Variants in ZNF18 observed in about 807,000 individuals in gnomAD.
The protein encoded by ZNF18 is zinc finger protein 18, also known as heart development-specific gene 1 protein.
ZNF18 carries 42 observed loss-of-function variants against 58.1 expected under a neutral mutation model. That is an observed-to-expected ratio of 0.72 (90% CI 0.56 to 0.93). The LOEUF (loss-of-function observed/expected upper bound fraction) is 0.93. ZNF18 is among the 40% of genes least tolerant of loss of function. The probability of loss-of-function intolerance (pLI) is 0.00; values close to 1 mark genes in which losing one functional copy is unlikely to be tolerated. For synonymous variants in ZNF18, 231 were observed against 239.8 expected, an observed-to-expected ratio of 0.96 and a Z score of 0.34; for missense variants, 540 against 644.2, an observed-to-expected ratio of 0.84 and a Z score of 1.75.
At chr17:11,995,447 C>T (rs1266035899) in intron 1 of ZNF18, 1 of 151,934 alleles carries the variant, frequency 6.6e-6, no homozygotes, top group African/African-American at 2.4e-5. Context: ...CTTTGGAAGC[C>T]CTAGGCGGGA....
upstream of ZNF18, chr17:12,002,241 AAC>A (rs1327294414): frequency 1.3e-5 from 2 of 152,258 alleles, no homozygotes; most frequent in African/African-American, 4.8e-5. Context: ...CTCTACCGAA[AAC>A]ACAAAAATTA....
chr17:11,984,296 G>A (rs771735831), intron 4 of ZNF18, 99 bp from the exon 5 acceptor site: 15 of 1,199,336 alleles, frequency 1.3e-5, no homozygotes, highest in Admixed American at 7.7e-5. Context: ...AGACAGAAAC[G>A]TGCCATAGGA....
rs532813950 is a variant in ZNF18 at position 11,982,946 on chromosome 17, T to C, written c.862+351A>G. Among the ~76,000 whole-genome samples, 7 of 152,312 alleles carry C rather than the reference T, an allele frequency of 4.6e-5. No homozygotes were observed. The South Asian group carries it at 1.0e-3, about 23-fold the overall frequency. On this transcript the variant is annotated intron_variant, in intron 6 of 6. Transcript: ENST00000580306. ...AACTTCTTGCTAGGAAGGGTAATAA[T>C]GGCTGCTACATAATCCTTTGCAATG...
chr17:11,977,874 A>T lies in ZNF18; in HGVS notation c.*83T>A, dbSNP rs1220939360. 1 of 1,467,004 alleles carries T rather than the reference A, an allele frequency of 6.8e-7. No homozygotes were observed. Among genetic ancestry groups the T allele is most frequent in the Non-Finnish European group, 9.2e-7 (1 of 1,090,106 alleles). 90.9% of individuals were successfully genotyped at this position (1,467,004 alleles called of 1,614,324 possible). Reference sequence around the variant, plus strand: ...AGGAGATTAACAGGGGTATCCTCTTAGACACAATTCCTCTTGATGGAGCTG... The same window carrying T: ...AGGAGATTAACAGGGGTATCCTCTTTGACACAATTCCTCTTGATGGAGCTG... On this transcript the variant is annotated 3_prime_UTR_variant, in exon 7 of 7. Coordinates refer to ENST00000580306, the MANE Select transcript of ZNF18 (RefSeq NM_001303281.2).
chr17:11,993,414 G>C (rs1056480616), intron 1 of ZNF18: 8 of 152,478 alleles, frequency 5.2e-5, no homozygotes, highest in African/African-American at 1.9e-4. Context: ...ATACCAAAAA[G>C]GTGTAATGAA....
chr17:11,991,142 G>C lies in ZNF18; in HGVS notation c.409C>G (p.Gln137Glu). The change falls in exon 3 of 7, where the codon CAG becomes GAG. Residue 137 changes from glutamine (Q) to glutamate (E), a missense_variant. Physicochemically the swap from Gln to Glu is conservative, Grantham distance 29 (BLOSUM62 2). Coordinates refer to ENST00000580306, the MANE Select transcript of ZNF18 (RefSeq NM_001303281.2). ...TCCATCTTCTCTGATAAGATGTCCT[G>C]TCCTAGAACCTGGATACTGATCTAG... ...WQWISIQVLG[Q>E]DILSEKMESP... The C allele has an allele frequency of 6.2e-7, 1 of 1,614,120 alleles. No individual in the cohort carries two copies. Among genetic ancestry groups the C allele is most frequent in the Non-Finnish European group, 8.5e-7 (1 of 1,179,998 alleles).
In ZNF18 at chr17:11,992,574, A is replaced by T; in HGVS notation, c.256T>A (p.Leu86Met). 1 of 1,614,242 alleles carries T rather than the reference A, an allele frequency of 6.2e-7. No individual in the cohort carries two copies. Among genetic ancestry groups the T allele is most frequent in the Non-Finnish European group, 8.5e-7 (1 of 1,180,032 alleles). ...TKEQILEILMLEQFLTILPGE... is the reference protein window; with the variant it reads ...TKEQILEILMMEQFLTILPGE... ...GGCAGGATGGTCAGAAACTGCTCCA[A>T]CATGAGGATCTCTAGGATCTGCTCT... Residue 86 changes from leucine to methionine, a missense_variant, in exon 2 of 7, where the codon TTG becomes ATG. Leu to Met is a conservative substitution (Grantham distance 15). Coordinates refer to ENST00000580306, the MANE Select transcript of ZNF18 (RefSeq NM_001303281.2).
At chr17:12,020,860 G>C in the ZNF18 span, 1 of 1,052,708 alleles carries the variant, frequency 9.5e-7, no homozygotes, top group Non-Finnish European at 1.2e-6. Context: ...AGCCGCCGCG[G>C]CGCCGCTCGG....
the ZNF18 span, among the ~76,000 whole-genome samples, chr17:12,019,877 G>C: frequency 1.3e-5 from 2 of 152,188 alleles, no homozygotes; most frequent in African/African-American, 4.8e-5. Flanking sequence ...GATTCTTTGG[G>C]AAGTAGGATA....
At position 11,990,645 on chromosome 17, in the gene ZNF18, C is replaced by A; in HGVS notation, c.578-95G>T. The A allele has an allele frequency of 2.1e-6, 2 of 952,994 alleles. 1 individual carries two copies. The highest frequency in any genetic ancestry group is 2.9e-5 in the South Asian group (2 of 68,544). 59.0% of individuals were successfully genotyped at this position (952,994 alleles called of 1,614,324 possible). A position where few individuals can be genotyped will look rare whatever the true frequency, so the allele number is the denominator to read the frequency against. On this transcript the variant is annotated intron_variant, in intron 3 of 6. Transcript: ENST00000580306. ...ACAATCTTCACAAATCAGAACAATACCTGAACAATACCTGTACTGCCATCT... is the reference window on the plus strand; with the variant it reads ...ACAATCTTCACAAATCAGAACAATAACTGAACAATACCTGTACTGCCATCT...
At chr17:12,013,588 T>G in the ZNF18 span, among the ~76,000 whole-genome samples, 1 of 152,220 alleles carries the variant, frequency 6.6e-6, no homozygotes, top group Non-Finnish European at 1.5e-5. Flanking sequence ...CTCAAAAGTA[T>G]TTGAGTCTAT....
At chr17:12,021,245 C>T in the ZNF18 span, 30 of 287,706 alleles carry the variant, frequency 1.0e-4, no homozygotes, top group Non-Finnish European at 1.7e-4. Context: ...TGGGCCCTAC[C>T]GGGCTCTCAG....
chr17:11,997,818 C>T (rs1419474394), upstream of ZNF18, among the ~76,000 whole-genome samples: 1 of 152,226 alleles, frequency 6.6e-6, no homozygotes, highest in Non-Finnish European at 1.5e-5. Flanking sequence ...CCCAGTCCCA[C>T]CCGCAGAGCT....
At chr17:11,979,029 G>T (rs1298304360) in intron 6 of ZNF18, among the ~76,000 whole-genome samples, 1 of 150,526 alleles carries the variant, frequency 6.6e-6, no homozygotes, top group Non-Finnish European at 1.5e-5. Context: ...AAAGCCACAT[G>T]TATTTCTTAA....
upstream of ZNF18, among the ~76,000 whole-genome samples, chr17:11,999,133 G>A (rs1968614531): frequency 6.6e-6 from 1 of 152,190 alleles, no homozygotes; most frequent in African/African-American, 2.4e-5. Context: ...AGATAAGGTG[G>A]TTTAGAGGGG....
the ZNF18 span, among the ~76,000 whole-genome samples, chr17:12,005,853 A>G: frequency 2.0e-5 from 3 of 152,214 alleles, no homozygotes; most frequent in African/African-American, 4.8e-5. Flanking sequence ...ATACCTGTAT[A>G]TATTATTTAT....
the ZNF18 span, among the ~76,000 whole-genome samples, chr17:12,013,694 C>CT: frequency 1.3e-5 from 2 of 152,018 alleles, no homozygotes; most frequent in Admixed American, 6.6e-5. Flanking sequence ...GTTGGGTATT[C>CT]TTTATTTTGC....
intron 2 of ZNF18, 84 bp from the exon 3 acceptor site, chr17:11,991,247 G>A (rs1382778677): frequency 4.2e-6 from 5 of 1,179,282 alleles, no homozygotes; most frequent in Non-Finnish European, 1.2e-6. Flanking sequence ...CTCTACAACA[G>A]ATCATAAGAC....
chr17:12,003,883 G>A, the ZNF18 span, among the ~76,000 whole-genome samples: 2 of 152,206 alleles, frequency 1.3e-5, no homozygotes, highest in Non-Finnish European at 2.9e-5. Flanking sequence ...CTTGAGTCAG[G>A]ATATAGAAGG....
Sources: gnomAD v4.1 joint callset for allele counts (sites outside exome capture counted in the v4.1 genomes callset) on GRCh38, gnomAD v4.1.1 for gene constraint, MANE v1.5 for transcripts, NCBI Gene and HGNC (gene_info 2026-07-23, HGNC 2026-07-21) for gene names.